The following CACNA2D3 variants were observed in gnomAD, a reference collection of about 807,000 sequenced individuals.
The protein encoded by CACNA2D3 is calcium voltage-gated channel auxiliary subunit alpha2delta 3.
Under a neutral mutation model 160.6 loss-of-function variants are expected in CACNA2D3, and 60 were observed. That is an observed-to-expected ratio of 0.37 (90% CI 0.30 to 0.46). The LOEUF (loss-of-function observed/expected upper bound fraction) is 0.46. Among genes scored for constraint, CACNA2D3 ranks in the 20% least tolerant of loss-of-function variants. The pLI is 1.00. For missense variants in CACNA2D3, 1,205 were observed against 1,365.0 expected (o/e 0.88, Z 1.85); for synonymous variants, 558 against 492.9 (o/e 1.13, Z -1.75).
chr3:54,374,370 G>T (rs1353430792), intron 3 of CACNA2D3, among the ~76,000 whole-genome samples: 1 of 152,220 alleles, frequency 6.6e-6, no homozygotes, highest in African/African-American at 2.4e-5. Flanking sequence ...GACCTCTCAA[G>T]AATCTGACCT....
chr3:54,544,494 C>G (rs974218796), intron 5 of CACNA2D3, among the ~76,000 whole-genome samples: 1 of 151,920 alleles, frequency 6.6e-6, no homozygotes, highest in Non-Finnish European at 1.5e-5. Context: ...ACCTCCAACT[C>G]TTGGGCTCAA....
chr3:54,834,779 C>T (rs779548136), intron 14 of CACNA2D3, among the ~76,000 whole-genome samples: 5 of 152,128 alleles, frequency 3.3e-5, no homozygotes, highest in Non-Finnish European at 7.3e-5. Context: ...AATTGGGTTA[C>T]ACAATTGTGG....
In CACNA2D3 at chr3:54,590,727, G is replaced by A. The variant is rs573301991; in HGVS notation, c.963+8850G>A. On this transcript the variant is annotated intron_variant, in intron 9 of 37. Transcript: ENST00000474759. Reference sequence around the variant, plus strand: ...CTCCCAAAATGCTGGGATTACAGGCGTGAGCCACCATGCTTGGCCTCTTTA... The same window carrying A: ...CTCCCAAAATGCTGGGATTACAGGCATGAGCCACCATGCTTGGCCTCTTTA... Among the ~76,000 whole-genome samples the A allele has an allele frequency of 2.6e-4, 39 of 152,088 alleles. 1 individual carries two copies. The South Asian group carries it at 7.1e-3, about 28-fold the overall frequency.
chr3:54,882,514 A>G (rs1158698981), intron 21 of CACNA2D3, among the ~76,000 whole-genome samples: 1 of 152,230 alleles, frequency 6.6e-6, no homozygotes, highest in Non-Finnish European at 1.5e-5. Context: ...AAGCAGTCAC[A>G]GAGAATTTCA....
intron 27 of CACNA2D3, chr3:54,918,294 C>G: frequency 1.4e-6 from 1 of 696,580 alleles, no homozygotes; most frequent in Non-Finnish European, 2.4e-6. Flanking sequence ...ATAAATTCCT[C>G]CCCAGAAATA....
At chr3:55,031,560 C>A (rs1169356830) in intron 35 of CACNA2D3, among the ~76,000 whole-genome samples, 1 of 152,136 alleles carries the variant, frequency 6.6e-6, no homozygotes, top group Non-Finnish European at 1.5e-5. Context: ...TTTTAATGAT[C>A]AGCTTTTCTT....
intron 13 of CACNA2D3, among the ~76,000 whole-genome samples, chr3:54,778,551 C>G (rs1182825834): frequency 6.6e-6 from 1 of 152,144 alleles, no homozygotes; most frequent in African/African-American, 2.4e-5. Flanking sequence ...GGCCTGTTTC[C>G]AAAGCATGTA....
intron 35 of CACNA2D3, among the ~76,000 whole-genome samples, chr3:55,072,784 T>G (rs1226174178): frequency 6.6e-6 from 1 of 152,224 alleles, no homozygotes; most frequent in Non-Finnish European, 1.5e-5. Context: ...AAGGAGGCAC[T>G]GCCAAGCTTG....
At chr3:54,524,758 CT>C (rs1355655861) in intron 5 of CACNA2D3, among the ~76,000 whole-genome samples, 2 of 152,032 alleles carry the variant, frequency 1.3e-5, no homozygotes, top group South Asian at 2.1e-4. Flanking sequence ...TCTTCAGTAA[CT>C]TTTTTTGTTT....
intron 4 of CACNA2D3, among the ~76,000 whole-genome samples, chr3:54,500,553 CT>C (rs1701277201): frequency 6.8e-6 from 1 of 146,054 alleles, no homozygotes; most frequent in African/African-American, 2.5e-5. Context: ...TCCTTCCTTC[CT>C]TTCTCTCTCT....
At position 55,057,488 on chromosome 3, in the gene CACNA2D3, A is replaced by G. The variant is rs145398154; in HGVS notation, c.2988-15957A>G. On this transcript the variant is annotated intron_variant, in intron 35 of 37. Coordinates refer to ENST00000474759, the MANE Select transcript of CACNA2D3 (RefSeq NM_018398.3). Reference sequence around the variant, plus strand: ...GAGCTCATGGAAGAAGATAATGGCAATAGCTAACTGAAGTCTGTTAACAGC... The same window carrying G: ...GAGCTCATGGAAGAAGATAATGGCAGTAGCTAACTGAAGTCTGTTAACAGC... Among the ~76,000 whole-genome samples, 483 of 152,266 alleles carry G rather than the reference A, an allele frequency of 3.2e-3. 4 individuals are homozygous for G. The highest frequency in any genetic ancestry group is 0.011 in the African/African-American group (452 of 41,564).
chr3:54,159,122 T>C (rs1700296528), intron 2 of CACNA2D3, among the ~76,000 whole-genome samples: 1 of 152,232 alleles, frequency 6.6e-6, no homozygotes, highest in Non-Finnish European at 1.5e-5. Context: ...GCCTGGATCA[T>C]TTATTTTCTG....
chr3:54,227,695 C>T lies in CACNA2D3; in HGVS notation c.205-92747C>T, dbSNP rs142494628. On this transcript the variant is annotated intron_variant, in intron 2 of 37. Coordinates refer to ENST00000474759, the MANE Select transcript of CACNA2D3 (RefSeq NM_018398.3). ...TCAGCCTCCCGAGTAGCTGGGATTA[C>T]AGGCGTGCACCACTACACCTGGCTA... Among the ~76,000 whole-genome samples, 365 of 152,262 alleles carry T rather than the reference C, an allele frequency of 2.4e-3. 2 individuals carry two copies. Among genetic ancestry groups the T allele is most frequent in the African/African-American group, 7.8e-3 (325 of 41,542 alleles).
intron 2 of CACNA2D3, among the ~76,000 whole-genome samples, chr3:54,236,371 G>A (rs1701875934): frequency 6.6e-6 from 1 of 152,136 alleles, no homozygotes. Flanking sequence ...AAATGTAAGT[G>A]GATAACCACA....
At chr3:54,899,522 G>T (rs572976459) in intron 26 of CACNA2D3, among the ~76,000 whole-genome samples, 1 of 152,244 alleles carries the variant, frequency 6.6e-6, no homozygotes, top group East Asian at 1.9e-4. Flanking sequence ...GTGGTCAATG[G>T]TTTCGATGTG....
At chr3:54,873,397 T>G (rs77997925) in intron 18 of CACNA2D3, among the ~76,000 whole-genome samples, 23 of 137,428 alleles carry the variant, frequency 1.7e-4, no homozygotes, top group African/African-American at 6.8e-4. Flanking sequence ...TTATTTTTTT[T>G]GTTGTTTGCT....
chr3:54,165,339 A>T (rs952391331), intron 2 of CACNA2D3, among the ~76,000 whole-genome samples: 1 of 151,928 alleles, frequency 6.6e-6, no homozygotes, highest in African/African-American at 2.4e-5. Context: ...AGGACCACTG[A>T]ACTAGCTTAC....
At chr3:54,298,886 A>G (rs999052580) in intron 2 of CACNA2D3, among the ~76,000 whole-genome samples, 1 of 141,444 alleles carries the variant, frequency 7.1e-6, no homozygotes, top group Non-Finnish European at 1.5e-5. Flanking sequence ...TCGAGGCTGC[A>G]GTGAGCTGAT....
chr3:55,021,827 G>T (rs1380149947), intron 35 of CACNA2D3, among the ~76,000 whole-genome samples: 2 of 151,440 alleles, frequency 1.3e-5, no homozygotes, highest in East Asian at 3.9e-4. Context: ...CAAATATATG[G>T]GAGTTGAGGC....
Sources: gnomAD v4.1 joint callset for allele counts (sites outside exome capture counted in the v4.1 genomes callset) on GRCh38, gnomAD v4.1.1 for gene constraint, MANE v1.5 for transcripts, NCBI Gene and HGNC (gene_info 2026-07-23, HGNC 2026-07-21) for gene names.